EMILIN2: variants seen among roughly 807,000 people sequenced by gnomAD.
The protein encoded by EMILIN2 is EMILIN-2.
In EMILIN2, 71 loss-of-function variants were observed where a neutral mutation model predicts 87.1. That is an observed-to-expected ratio of 0.82 (90% CI 0.67 to 0.99). The LOEUF is 0.99. Among genes scored for constraint, EMILIN2 ranks in the 50% least tolerant of loss-of-function variants. The probability of loss-of-function intolerance (pLI) is 0.00; values close to 1 mark genes in which losing one functional copy is unlikely to be tolerated. For synonymous variants in EMILIN2, 581 were observed against 563.4 expected, an observed-to-expected ratio of 1.03 and a Z score of -0.44; for missense variants, 1,407 against 1,371.8, an observed-to-expected ratio of 1.03 and a Z score of -0.40.
At position 2,847,157 on chromosome 18, in the gene EMILIN2, C is replaced by G. The variant is rs2076578609; in HGVS notation, c.-32C>G. The G allele has an allele frequency of 2.8e-6, 3 of 1,069,110 alleles. No homozygotes were observed. The highest frequency in any genetic ancestry group is 8.2e-5 in the East Asian group (1 of 12,240). 66.2% of individuals were successfully genotyped at this position (1,069,110 alleles called of 1,614,324 possible). A position where few individuals can be genotyped will look rare whatever the true frequency, so the allele number is the denominator to read the frequency against. ...GCCCCGATCCGCCGCGCTCCGGACC[C>G]GGGCAGGCGGGGCGCGCCCGCTGCG... On this transcript the variant is annotated 5_prime_UTR_variant, in exon 1 of 8. Transcript: ENST00000254528. The surrounding 1 kb of genome is among the most constrained non-coding windows in gnomAD (Gnocchi z 4.5).
intron 4 of EMILIN2, among the ~76,000 whole-genome samples, chr18:2,899,038 G>A (rs1334078820): frequency 6.6e-6 from 1 of 151,952 alleles, no homozygotes; most frequent in African/African-American, 2.4e-5. Context: ...TTCGGAGAAT[G>A]GAGCTTTCCC....
Position 2,891,466 on chromosome 18 carries a change from G to A in EMILIN2, c.1339G>A (p.Asp447Asn). 6.2e-7 allele frequency: 1 copy of A among 1,614,192 alleles called. No homozygotes were observed. The highest frequency in any genetic ancestry group is 8.5e-7 in the Non-Finnish European group (1 of 1,180,022). ...AGTTCCAGAGCCAGATGTGGATTTT[G>A]ATGCAAAATGGAATGAACTCGATGC... Reference protein sequence around the residue: ...LIVPEPDVDFDAKWNELDARI... With the variant: ...LIVPEPDVDFNAKWNELDARI... The change falls in exon 4 of 8, where the codon GAT becomes AAT. Residue 447 changes from aspartate (D) to asparagine (N), a missense_variant. Transcript: ENST00000254528. The surrounding 1 kb of genome is among the most constrained non-coding windows in gnomAD (Gnocchi z 4.6).
In EMILIN2 at chr18:2,847,962, C is replaced by A. The variant is rs779024497; in HGVS notation, c.257+31C>A. 6.4e-7 allele frequency: 1 copy of A among 1,562,372 alleles called. No homozygotes were observed. The highest frequency in any genetic ancestry group is 8.7e-7 in the Non-Finnish European group (1 of 1,155,056). On this transcript the variant is annotated intron_variant, in intron 2 of 7. Coordinates refer to ENST00000254528, the MANE Select transcript of EMILIN2 (RefSeq NM_032048.3). This position sits in a 1 kb window ranked among gnomAD's most constrained non-coding sequence, Gnocchi z 4.5. ...TCCTGGAGCCGGGGAGCGGGCGGGG[C>A]GCGCCCGGGCCGGGGCGGTGGGGGT...
At chr18:2,892,559 T>A in intron 4 of EMILIN2, 73 bp downstream of exon 4, 2 of 1,496,026 alleles carry the variant, frequency 1.3e-6, no homozygotes, top group Non-Finnish European at 8.9e-7. Context: ...AATAATTTTT[T>A]GTTCATTTTT....
chr18:2,872,815 A>C (rs1432757308), intron 2 of EMILIN2, among the ~76,000 whole-genome samples: 1 of 150,964 alleles, frequency 6.6e-6, no homozygotes, highest in Non-Finnish European at 1.5e-5. Context: ...AAAAAGGTGA[A>C]TACTAAACAC....
chr18:2,912,594 T>G (rs2076946552), intron 7 of EMILIN2, among the ~76,000 whole-genome samples: 1 of 152,098 alleles, frequency 6.6e-6, no homozygotes, highest in Non-Finnish European at 1.5e-5. Flanking sequence ...GCCCAGAACG[T>G]GTGGGTCATG....
intron 2 of EMILIN2, among the ~76,000 whole-genome samples, chr18:2,854,231 T>C (rs2076615678): frequency 6.6e-6 from 1 of 152,024 alleles, no homozygotes; most frequent in Non-Finnish European, 1.5e-5. Flanking sequence ...GCCTGTGTTG[T>C]ATCTTGGTGG....
chr18:2,907,051 C>T lies in EMILIN2; in HGVS notation c.2628C>T (p.Thr876=), dbSNP rs2076917673. ...RGVDGQTGSG[T]VPGAEGFAGA... ...TGGACGGCCAGACCGGGAGCGGCAC[C>T]GTCCCCGGCGCAGAAGGCTTCGCGG... is the stretch of plus-strand genomic sequence containing the variant. Residue 876 remains threonine, a synonymous_variant, in exon 5 of 8, where the codon ACC becomes ACT. Transcript: ENST00000254528. 1.5e-5 allele frequency: 19 copies of T among 1,273,816 alleles called. No homozygotes were observed. Among genetic ancestry groups the T allele is most frequent in the African/African-American group, 3.1e-5 (2 of 64,594 alleles). 78.9% of individuals were successfully genotyped at this position (1,273,816 alleles called of 1,614,324 possible). A position where few individuals can be genotyped will look rare whatever the true frequency, so the allele number is the denominator to read the frequency against.
chr18:2,907,306 A>C (rs551554522), intron 5 of EMILIN2, among the ~76,000 whole-genome samples: 1 of 152,330 alleles, frequency 6.6e-6, no homozygotes, highest in Admixed American at 6.5e-5. Context: ...GTCTGTACTT[A>C]GACATACTGA....
intron 2 of EMILIN2, among the ~76,000 whole-genome samples, chr18:2,858,575 G>GTATATATATATATATATATATA (rs1233576785): frequency 1.5e-5 from 1 of 65,510 alleles, no homozygotes; most frequent in Non-Finnish European, 2.6e-5. Flanking sequence ...ATATATGTGT[G>GTATATATATATATATATATATA]TGTGTGTGTA....
intron 2 of EMILIN2, among the ~76,000 whole-genome samples, chr18:2,864,730 A>G (rs1028108633): frequency 5.3e-5 from 8 of 151,820 alleles, no homozygotes; most frequent in African/African-American, 1.7e-4. Context: ...TCTTTGTGGC[A>G]TTCTCTGTAT....
chr18:2,850,210 G>A (rs2076595370), intron 2 of EMILIN2, among the ~76,000 whole-genome samples: 1 of 151,776 alleles, frequency 6.6e-6, no homozygotes. Flanking sequence ...AAAGTGCTAG[G>A]ATTACAAGCA....
chr18:2,911,543 A>G (rs1389266738), intron 7 of EMILIN2, among the ~76,000 whole-genome samples: 1 of 152,176 alleles, frequency 6.6e-6, no homozygotes, highest in Non-Finnish European at 1.5e-5. Flanking sequence ...GCAACCAATC[A>G]TTAATTTAGA....
In EMILIN2 at chr18:2,906,801, C is replaced by G; in HGVS notation, c.2378C>G (p.Pro793Arg). ...QPSAKAPSPP[P>R]PAEAPKEPLQ... ...CCGGCAGAGGCGCCCTCGCCCCCGC[C>G]GCCCGCAGAGGCCCCGAAGGAGCCG... Residue 793 changes from proline to arginine, a missense_variant, in exon 5 of 8, where the codon CCG (proline) becomes CGG (arginine). Pro to Arg is a moderately radical substitution (Grantham distance 103, BLOSUM62 -2). Coordinates refer to ENST00000254528, the MANE Select transcript of EMILIN2 (RefSeq NM_032048.3). The G allele has an allele frequency of 7.7e-7, 1 of 1,292,788 alleles. No individual in the cohort carries two copies. The highest frequency in any genetic ancestry group is 9.7e-7 in the Non-Finnish European group (1 of 1,026,114). 80.1% of individuals were successfully genotyped at this position (1,292,788 alleles called of 1,614,324 possible). A position where few individuals can be genotyped will look rare whatever the true frequency, so the allele number is the denominator to read the frequency against.
intron 2 of EMILIN2, among the ~76,000 whole-genome samples, chr18:2,863,107 T>G: frequency 6.6e-6 from 1 of 152,212 alleles, no homozygotes; most frequent in East Asian, 1.9e-4. Flanking sequence ...TTGATTCTTC[T>G]CTCTTTTCTT....
At chr18:2,911,819 G>A (rs2076942118) in intron 7 of EMILIN2, among the ~76,000 whole-genome samples, 1 of 152,150 alleles carries the variant, frequency 6.6e-6, no homozygotes, top group Non-Finnish European at 1.5e-5. Flanking sequence ...AAAATTCTGG[G>A]TGAACTGAGT....
chr18:2,873,061 AC>A (rs140658186), intron 2 of EMILIN2, among the ~76,000 whole-genome samples: 24,198 of 145,090 alleles, frequency 0.17, 2,975 homozygotes, highest in African/African-American at 0.38. Flanking sequence ...AAAAAAAAAA[AC>A]AAAACCAAAA....
intron 4 of EMILIN2, among the ~76,000 whole-genome samples, chr18:2,901,591 G>A (rs2144058421): frequency 6.6e-6 from 1 of 152,360 alleles, no homozygotes; most frequent in South Asian, 2.1e-4. Flanking sequence ...TGTCAGGCAG[G>A]CCTGGTGCAG....
At chr18:2,906,062 G>C (rs958397572) in intron 4 of EMILIN2, among the ~76,000 whole-genome samples, 8 of 152,186 alleles carry the variant, frequency 5.3e-5, no homozygotes, top group African/African-American at 1.9e-4. Context: ...GGGGGCGGCG[G>C]GGATGGCGTT....
Sources: gnomAD v4.1 joint callset for allele counts (sites outside exome capture counted in the v4.1 genomes callset) on GRCh38, gnomAD v4.1.1 for gene constraint, Gnocchi (gnomAD v3.1) non-coding constraint, MANE v1.5 for transcripts, NCBI Gene and HGNC (gene_info 2026-07-23, HGNC 2026-07-21) for gene names.